The following GALNT17 variants were observed in gnomAD, a reference collection of about 807,000 sequenced individuals.
The protein encoded by GALNT17 is UDP-GalNAc:polypeptide N-acetylgalactosaminyltransferase-like 3.
A neutral mutation model predicts 63.7 loss-of-function variants in GALNT17; 29 were observed. That is an observed-to-expected ratio of 0.46 (90% CI 0.34 to 0.62). The LOEUF (loss-of-function observed/expected upper bound fraction) is 0.62, where lower values mean the gene tolerates loss of function less well. Ranked by LOEUF, GALNT17 falls within the 20% of genes least tolerant of loss-of-function variation. The pLI is 0.01. For synonymous variants in GALNT17, 305 were observed against 318.3 expected (o/e 0.96, Z 0.45); for missense variants, 603 against 799.6 (o/e 0.75, Z 2.97).
intron 5 of GALNT17, among the ~76,000 whole-genome samples, chr7:71,556,535 A>G (rs1789164910): frequency 1.3e-5 from 2 of 151,952 alleles, no homozygotes; most frequent in African/African-American, 2.4e-5. Context: ...TGTCTGCTAA[A>G]CTCACCCTCG....
chr7:71,694,359 A>T (rs1389831314), intron 9 of GALNT17, among the ~76,000 whole-genome samples: 8 of 138,686 alleles, frequency 5.8e-5, no homozygotes, highest in African/African-American at 1.1e-4. Context: ...AATTATCCCA[A>T]TTTTTTTTTT....
chr7:71,688,904 C>T (rs529360929), intron 9 of GALNT17, among the ~76,000 whole-genome samples: 1 of 152,246 alleles, frequency 6.6e-6, no homozygotes, highest in African/African-American at 2.4e-5. Context: ...GTTGTGGCAA[C>T]GTGACATCGA....
intron 2 of GALNT17, among the ~76,000 whole-genome samples, chr7:71,372,845 G>A (rs866811235): frequency 6.6e-6 from 1 of 152,136 alleles, no homozygotes; most frequent in East Asian, 1.9e-4. Context: ...TACACACGAT[G>A]GGGAAAAGCT....
At chr7:71,477,589 C>T (rs1787746024) in intron 5 of GALNT17, among the ~76,000 whole-genome samples, 1 of 152,110 alleles carries the variant, frequency 6.6e-6, no homozygotes, top group East Asian at 1.9e-4. Context: ...ACAGTCTCAG[C>T]TACTCAAGAG....
At chr7:71,363,553 A>G (rs563939069) in intron 2 of GALNT17, among the ~76,000 whole-genome samples, 20 of 152,228 alleles carry the variant, frequency 1.3e-4, no homozygotes, top group Middle Eastern at 3.4e-3. Context: ...GATCTCCCCA[A>G]CTTGGAATTC....
chr7:71,574,977 C>T (rs1465849157), intron 6 of GALNT17, among the ~76,000 whole-genome samples: 1 of 152,190 alleles, frequency 6.6e-6, no homozygotes, highest in African/African-American at 2.4e-5. Flanking sequence ...TCTTCTCACT[C>T]CAGCCTACAC....
At chr7:71,477,122 C>A (rs28410340) in intron 5 of GALNT17, among the ~76,000 whole-genome samples, 33,704 of 152,110 alleles carry the variant, frequency 0.22, 4,897 homozygotes, top group East Asian at 0.61. Context: ...ACTACTACTA[C>A]TAATAATTAA....
At chr7:71,388,947 A>G (rs1177265052) in intron 3 of GALNT17, among the ~76,000 whole-genome samples, 1 of 152,130 alleles carries the variant, frequency 6.6e-6, no homozygotes, top group African/African-American at 2.4e-5. Context: ...CCTGTTAGGA[A>G]CTGGGCTCCA....
At chr7:71,617,529 C>A (rs1026981415) in intron 6 of GALNT17, among the ~76,000 whole-genome samples, 4 of 151,922 alleles carry the variant, frequency 2.6e-5, no homozygotes, top group Non-Finnish European at 5.9e-5. Context: ...ACCATGTTGG[C>A]CAGGATGGTC....
intron 5 of GALNT17, among the ~76,000 whole-genome samples, chr7:71,427,669 C>T (rs570881842): frequency 7.2e-5 from 11 of 152,126 alleles, no homozygotes; most frequent in East Asian, 5.8e-4. Flanking sequence ...CCCTGAGTTG[C>T]GGACCAGGGC....
At chr7:71,471,892 T>C (rs1454782837) in intron 5 of GALNT17, among the ~76,000 whole-genome samples, 1 of 152,134 alleles carries the variant, frequency 6.6e-6, no homozygotes, top group Non-Finnish European at 1.5e-5. Flanking sequence ...GCAGGTACAT[T>C]ATCCTGTCTG....
chr7:71,392,732 C>T (rs1397855586), intron 3 of GALNT17, among the ~76,000 whole-genome samples: 4 of 152,140 alleles, frequency 2.6e-5, no homozygotes, highest in African/African-American at 7.2e-5. Context: ...TCATCCTCCT[C>T]CTCCTCTCCC....
At chr7:71,360,969 C>T (rs12531865) in intron 2 of GALNT17, among the ~76,000 whole-genome samples, 18,340 of 152,126 alleles carry the variant, frequency 0.12, 1,403 homozygotes, top group Middle Eastern at 0.24. Context: ...ATAATAATAA[C>T]TTTCTCGTAG....
intron 5 of GALNT17, among the ~76,000 whole-genome samples, chr7:71,448,591 T>C (rs975569235): frequency 6.6e-6 from 1 of 152,198 alleles, no homozygotes; most frequent in African/African-American, 2.4e-5. Context: ...TATCGATCTT[T>C]TGCCATAACA....
intron 1 of GALNT17, among the ~76,000 whole-genome samples, chr7:71,233,914 C>T (rs551483035): frequency 3.9e-5 from 6 of 152,128 alleles, no homozygotes; most frequent in African/African-American, 1.4e-4. Context: ...GAAGCAGGCA[C>T]GTCTCACATG....
chr7:71,266,091 A>T (rs1489632694), intron 1 of GALNT17, among the ~76,000 whole-genome samples: 4 of 151,892 alleles, frequency 2.6e-5, no homozygotes, highest in Non-Finnish European at 5.9e-5. Context: ...TGGCTGCATC[A>T]CTTTAGTCTC....
chr7:71,385,649 A>G (rs1362237184), intron 2 of GALNT17, among the ~76,000 whole-genome samples: 1 of 152,136 alleles, frequency 6.6e-6, no homozygotes, highest in Non-Finnish European at 1.5e-5. Context: ...TTGAAGGGAA[A>G]TCAAACCTGA....
chr7:71,496,972 G>A (rs147998008), intron 5 of GALNT17, among the ~76,000 whole-genome samples: 81 of 152,170 alleles, frequency 5.3e-4, no homozygotes, highest in Non-Finnish European at 1.0e-3. Flanking sequence ...CAGCTACTCA[G>A]GAGGCTGAGG....
intron 1 of GALNT17, among the ~76,000 whole-genome samples, chr7:71,286,914 C>A (rs1280864736): frequency 6.6e-6 from 1 of 151,730 alleles, no homozygotes; most frequent in African/African-American, 2.4e-5. Context: ...TCTCAGCCTA[C>A]TGAGTAGCTG....
Sources: allele counts gnomAD v4.1 joint callset (sites outside exome capture counted in the v4.1 genomes callset), GRCh38; gene constraint gnomAD v4.1.1; transcripts MANE v1.5; gene names NCBI Gene and HGNC (gene_info 2026-07-23, HGNC 2026-07-21).